The following SMC3 variants were observed in gnomAD, a reference collection of about 807,000 sequenced individuals.
SMC3 encodes structural maintenance of chromosomes 3.
Under a neutral mutation model 171.8 loss-of-function variants are expected in SMC3, and 20 were observed. The observed-to-expected ratio is 0.12, with a 90% confidence interval of 0.08 to 0.17. The LOEUF is 0.17. SMC3 is among the 10% of genes least tolerant of loss of function. The probability of loss-of-function intolerance (pLI) is 1.00; values close to 1 mark genes in which losing one functional copy is unlikely to be tolerated. For missense variants in SMC3, 543 were observed against 1,420.4 expected (o/e 0.38, Z 9.93); for synonymous variants, 464 against 451.1 (o/e 1.03, Z -0.36).
chr10:110,583,805 A>G (rs527621080), intron 11 of SMC3, 36 bp from the exon 12 acceptor site: 1 of 1,608,076 alleles, frequency 6.2e-7, no homozygotes, highest in African/African-American at 1.3e-5. Flanking sequence ...TTATGCAAAA[A>G]ATTTAAAGCA....
intron 28 of SMC3, among the ~76,000 whole-genome samples, chr10:110,603,949 G>A (rs1861426185): frequency 6.6e-6 from 1 of 151,878 alleles, no homozygotes; most frequent in African/African-American, 2.4e-5. Flanking sequence ...ACAAAAATTA[G>A]CTGGGCATGC....
chr10:110,576,249 A>G (rs1590551097), intron 4 of SMC3, among the ~76,000 whole-genome samples: 1 of 152,222 alleles, frequency 6.6e-6, no homozygotes, highest in African/African-American at 2.4e-5. Context: ...TATGGTTTCT[A>G]CTGAATGTAG....
At chr10:110,586,579 CT>C (rs1368041428) in intron 13 of SMC3, among the ~76,000 whole-genome samples, 9 of 152,164 alleles carry the variant, frequency 5.9e-5, no homozygotes, top group African/African-American at 1.7e-4. Flanking sequence ...TCCAGCCACA[CT>C]TTTGGTTATC....
intron 1 of SMC3, 116 bp downstream of exon 1, chr10:110,567,947 C>G (rs1860799619): frequency 2.3e-6 from 3 of 1,310,986 alleles, no homozygotes; most frequent in African/African-American, 1.5e-5. Flanking sequence ...TGGACCAGGG[C>G]TGGGCGGGGA....
In SMC3 at chr10:110,602,085, A is replaced by G. The variant is rs1009813874; in HGVS notation, c.3012A>G (p.Gln1004=). The G allele has an allele frequency of 5.6e-6, 9 of 1,613,906 alleles. No individual in the cohort carries two copies. The highest frequency in any genetic ancestry group is 1.3e-5 in the African/African-American group (1 of 75,064). Residue 1004 remains glutamine (Q), a synonymous_variant, in exon 25 of 29, where the codon CAA becomes CAG. Transcript: ENST00000361804. ...SEQKEKLIKR[Q]EELDRGYKSI... is the part of the protein sequence containing the mutation. ...AGAAAGAAAAGTTAATAAAGCGTCAAGAAGAGTTAGATAGGGGTTACAAAT... is the reference window on the plus strand; with the variant it reads ...AGAAAGAAAAGTTAATAAAGCGTCAGGAAGAGTTAGATAGGGGTTACAAAT...
intron 28 of SMC3, 118 bp downstream of exon 28, chr10:110,603,408 T>C: frequency 1.4e-6 from 1 of 699,450 alleles, no homozygotes; most frequent in Admixed American, 2.7e-5. Flanking sequence ...TTATCTGATG[T>C]CTTTGTAAAG....
intron 1 of SMC3, 148 bp downstream of exon 1, chr10:110,567,979 C>A: frequency 1.0e-6 from 1 of 999,754 alleles, no homozygotes. Context: ...GAGGGAGACC[C>A]GGGTCCCGCT....
intron 1 of SMC3, 26 bp downstream of exon 1, chr10:110,567,857 C>T (rs756537443): frequency 2.8e-5 from 45 of 1,613,018 alleles, no homozygotes; most frequent in Non-Finnish European, 3.7e-5. Flanking sequence ...CCCTCCACCC[C>T]GTCATGGGCC....
At chr10:110,594,729 C>T (rs901783867) in intron 18 of SMC3, among the ~76,000 whole-genome samples, 1 of 151,858 alleles carries the variant, frequency 6.6e-6, no homozygotes. Context: ...AGCTTTGTTT[C>T]TGTATATGTA....
intron 4 of SMC3, 24 bp from the exon 5 acceptor site, chr10:110,577,397 A>C (rs1045947369): frequency 1.3e-6 from 2 of 1,576,726 alleles, no homozygotes; most frequent in Non-Finnish European, 1.7e-6. Flanking sequence ...TAAATGGCAA[A>C]TTTCTCACTT....
At position 110,596,572 on chromosome 10, in the gene SMC3, A is replaced by G. The variant is rs1554883710; in HGVS notation, c.2116+22A>G. 4 of 1,609,678 alleles carry G rather than the reference A, an allele frequency of 2.5e-6. No homozygotes were observed. The African/African-American group carries it at 4.0e-5, about 16-fold the overall frequency. ...GAAAATATCTTTTTGTTTTGTGCAT[A>G]GTGATAGATATTGTGGGGGAAGAAC... On this transcript the variant is annotated intron_variant, in intron 19 of 28. Transcript: ENST00000361804.
chr10:110,568,508 T>C, intron 1 of SMC3: 1 of 207,800 alleles, frequency 4.8e-6, no homozygotes, highest in Non-Finnish European at 9.7e-6. Flanking sequence ...CTCTGAGCAC[T>C]CCTTCTTTGG....
intron 21 of SMC3, 57 bp from the exon 22 acceptor site, chr10:110,600,382 A>C: frequency 1.2e-6 from 1 of 850,354 alleles, no homozygotes; most frequent in South Asian, 1.3e-5. Flanking sequence ...GCAAATGAGC[A>C]CCATTCCTGT....
chr10:110,572,024 TAA>T (rs1203031822), intron 2 of SMC3, among the ~76,000 whole-genome samples: 1 of 152,226 alleles, frequency 6.6e-6, no homozygotes, highest in Non-Finnish European at 1.5e-5. Flanking sequence ...CATTTAATGA[TAA>T]ATTGTCATCT....
At chr10:110,580,874 A>C (rs753428199) in intron 7 of SMC3, 30 bp from the exon 8 acceptor site, 1 of 1,139,596 alleles carries the variant, frequency 8.8e-7, no homozygotes, top group Non-Finnish European at 1.3e-6. Flanking sequence ...GGCTACAGCT[A>C]TGTAATGATT....
intron 9 of SMC3, 119 bp downstream of exon 9, chr10:110,582,217 C>G: frequency 1.1e-6 from 1 of 949,312 alleles, no homozygotes; most frequent in Non-Finnish European, 1.6e-6. Context: ...AAAAACCTCT[C>G]AATGAATTTA....
At chr10:110,597,301 A>G (rs1166395813) in intron 19 of SMC3, among the ~76,000 whole-genome samples, 1 of 152,024 alleles carries the variant, frequency 6.6e-6, no homozygotes, top group Non-Finnish European at 1.5e-5. Flanking sequence ...ATGGTGCTGC[A>G]TGAGGAGTGG....
chr10:110,604,375 T>G lies in SMC3; in HGVS notation c.*73T>G, dbSNP rs1861436272. 6.4e-6 allele frequency: 7 copies of G among 1,100,900 alleles called. No homozygotes were observed. The highest frequency in any genetic ancestry group is 3.1e-5 in the African/African-American group (2 of 64,794). The allele number at this position is 1,100,900 out of a possible 1,614,324, so 68.2% of individuals were successfully genotyped here. A position where few individuals can be genotyped will look rare whatever the true frequency, so the allele number is the denominator to read the frequency against. On this transcript the variant is annotated 3_prime_UTR_variant, in exon 29 of 29. Coordinates refer to ENST00000361804, the MANE Select transcript of SMC3 (RefSeq NM_005445.4). ...TTCTCATACCCAGGAACTGTAAATT[T>G]AAACCTAAATATTTGGCCAATAGTT... is the stretch of plus-strand genomic sequence containing the variant.
chr10:110,573,689 C>A lies in SMC3; in HGVS notation c.92-18C>A. ...TGGTTTTTATGTAAAATAACTTGTACTTTTTGAAATTTTCCAGTGGGCAGA... is the reference window on the plus strand; with the variant it reads ...TGGTTTTTATGTAAAATAACTTGTAATTTTTGAAATTTTCCAGTGGGCAGA... On this transcript the variant is annotated intron_variant, in intron 2 of 28. Coordinates refer to ENST00000361804, the MANE Select transcript of SMC3 (RefSeq NM_005445.4). 2 of 1,560,242 alleles carry A rather than the reference C, an allele frequency of 1.3e-6. No homozygotes were observed. The highest frequency in any genetic ancestry group is 1.8e-6 in the Non-Finnish European group (2 of 1,133,544).
Sources: allele counts gnomAD v4.1 joint callset (sites outside exome capture counted in the v4.1 genomes callset), GRCh38; gene constraint gnomAD v4.1.1; transcripts MANE v1.5; gene names NCBI Gene and HGNC (gene_info 2026-07-23, HGNC 2026-07-21).